Variants in XKR9 observed in about 807,000 individuals in gnomAD.
XKR9 encodes XK-related protein 9.
In XKR9, 32 loss-of-function variants were observed where a neutral mutation model predicts 32.0. The ratio of observed to expected loss-of-function variants is 1.00; its 90% CI spans 0.76 to 1.34. The LOEUF (loss-of-function observed/expected upper bound fraction) is 1.34. Ranked by LOEUF, XKR9 falls within the 40% of genes most tolerant of loss-of-function variation. The pLI, the probability that XKR9 is intolerant of heterozygous loss-of-function variation, is 0.00. For synonymous variants in XKR9, 168 were observed against 143.4 expected (o/e 1.17, Z -1.22); for missense variants, 546 against 429.7 (o/e 1.27, Z -2.39).
At chr8:70,957,048 C>T in the XKR9 span, among the ~76,000 whole-genome samples, 12 of 152,346 alleles carry the variant, frequency 7.9e-5, 1 homozygote, top group Non-Finnish European at 1.3e-4. Context: ...GCACCTCACC[C>T]GCTGCAGCCA....
At chr8:70,687,395 TTC>T (rs60787187) in intron 3 of XKR9, among the ~76,000 whole-genome samples, 1 of 147,806 alleles carries the variant, frequency 6.8e-6, no homozygotes, top group African/African-American at 2.5e-5. Context: ...CTCTTTCTCT[TTC>T]TCTCTCTCTC....
At chr8:70,827,883 C>T in the XKR9 span, among the ~76,000 whole-genome samples, 2 of 152,242 alleles carry the variant, frequency 1.3e-5, no homozygotes, top group East Asian at 1.9e-4. Context: ...TTAAATGGAA[C>T]TTTCCATTTT....
At chr8:70,721,158 A>AT (rs1806267624) in intron 4 of XKR9, among the ~76,000 whole-genome samples, 1 of 152,004 alleles carries the variant, frequency 6.6e-6, no homozygotes, top group East Asian at 1.9e-4. Flanking sequence ...CCCCTTTATC[A>AT]TTTTTTATTG....
chr8:70,851,003 C>T, the XKR9 span, among the ~76,000 whole-genome samples: 1 of 152,170 alleles, frequency 6.6e-6, no homozygotes. Flanking sequence ...TCTCTGTTTG[C>T]AGATGACCCA....
the XKR9 span, among the ~76,000 whole-genome samples, chr8:71,045,346 T>C: frequency 6.6e-6 from 1 of 152,140 alleles, no homozygotes; most frequent in Non-Finnish European, 1.5e-5. Flanking sequence ...CAGGCAGTTA[T>C]CCTAAAGTGG....
At chr8:71,039,311 C>T in the XKR9 span, among the ~76,000 whole-genome samples, 1 of 152,138 alleles carries the variant, frequency 6.6e-6, no homozygotes, top group Non-Finnish European at 1.5e-5. Context: ...TTTAATGCAC[C>T]TAATGTCCCA....
At chr8:70,956,984 G>T in the XKR9 span, among the ~76,000 whole-genome samples, 1 of 152,166 alleles carries the variant, frequency 6.6e-6, no homozygotes, top group Admixed American at 6.5e-5. Flanking sequence ...AGGGGGGCAG[G>T]ACTCCTGCCT....
the XKR9 span, among the ~76,000 whole-genome samples, chr8:70,945,567 G>A: frequency 1.4e-5 from 2 of 144,928 alleles, no homozygotes; most frequent in Non-Finnish European, 3.1e-5. Context: ...TAAATTCAGC[G>A]ACCACTAATC....
the XKR9 span, among the ~76,000 whole-genome samples, chr8:70,935,184 CAT>C: frequency 0.082 from 8,688 of 106,330 alleles, 358 homozygotes; most frequent in Non-Finnish European, 0.1. Context: ...TATGTATATA[CAT>C]ATATATATAC....
the XKR9 span, among the ~76,000 whole-genome samples, chr8:71,006,651 C>G: frequency 6.6e-6 from 1 of 152,146 alleles, no homozygotes; most frequent in African/African-American, 2.4e-5. Context: ...GGGACTCAAG[C>G]CAGTCCAAAA....
At chr8:70,767,939 T>C (rs1205212530) in intron 2 of XKR9, among the ~76,000 whole-genome samples, 1 of 152,162 alleles carries the variant, frequency 6.6e-6, no homozygotes, top group Non-Finnish European at 1.5e-5. Context: ...TCTGCTCTGA[T>C]CTTAGTTATT....
At chr8:70,996,257 A>AATTTAC in the XKR9 span, among the ~76,000 whole-genome samples, 1 of 152,198 alleles carries the variant, frequency 6.6e-6, no homozygotes, top group Non-Finnish European at 1.5e-5. Context: ...TTTCTTTTAC[A>AATTTAC]ATTTACCCTA....
At chr8:70,907,018 T>G in the XKR9 span, among the ~76,000 whole-genome samples, 1 of 152,178 alleles carries the variant, frequency 6.6e-6, no homozygotes, top group Admixed American at 6.5e-5. Flanking sequence ...GCTGCCCCTT[T>G]GCAGTTAACA....
the XKR9 span, among the ~76,000 whole-genome samples, chr8:70,892,617 C>G: frequency 6.6e-6 from 1 of 152,054 alleles, no homozygotes; most frequent in East Asian, 1.9e-4. Context: ...GTATAGTATT[C>G]TTTCTCGGCA....
rs201618955 is a variant in XKR9, at chr8:70,718,000, C to T, written c.493+10847C>T. Reference sequence around the variant, plus strand: ...AGCAAGAGTAACCTTTATTCCAGTTCCCTCCAAATTCCTCATCTCCATCTG... The same window carrying T: ...AGCAAGAGTAACCTTTATTCCAGTTTCCTCCAAATTCCTCATCTCCATCTG... On this transcript the variant is annotated intron_variant, in intron 4 of 4. Transcript: ENST00000408926. Among the ~76,000 whole-genome samples the T allele has an allele frequency of 2.0e-5, 3 of 152,240 alleles. No individual in the cohort carries two copies. In the East Asian group the frequency reaches 5.8e-4, roughly 29 times the overall value.
chr8:70,824,991 A>C, the XKR9 span, among the ~76,000 whole-genome samples: 1 of 152,082 alleles, frequency 6.6e-6, no homozygotes, highest in Non-Finnish European at 1.5e-5. Flanking sequence ...CCTGAAAGTC[A>C]GGTTAAAATG....
the XKR9 span, among the ~76,000 whole-genome samples, chr8:70,844,047 C>T: frequency 6.6e-6 from 1 of 152,220 alleles, no homozygotes; most frequent in African/African-American, 2.4e-5. Context: ...CTGTGCCCCA[C>T]AGAATGGGCA....
intron 2 of XKR9, among the ~76,000 whole-genome samples, chr8:70,756,959 C>G (rs1221600950): frequency 6.6e-6 from 1 of 152,172 alleles, no homozygotes; most frequent in Non-Finnish European, 1.5e-5. Flanking sequence ...GCACCACTAA[C>G]TATGATGTTA....
At chr8:70,861,420 G>C in the XKR9 span, among the ~76,000 whole-genome samples, 1 of 152,110 alleles carries the variant, frequency 6.6e-6, no homozygotes, top group East Asian at 1.9e-4. Flanking sequence ...GGAGGCTGAG[G>C]AAGGAGGATA....
Sources: gnomAD v4.1 joint callset for allele counts (sites outside exome capture counted in the v4.1 genomes callset) on GRCh38, gnomAD v4.1.1 for gene constraint, MANE v1.5 for transcripts, NCBI Gene and HGNC (gene_info 2026-07-23, HGNC 2026-07-21) for gene names.